Variants in PLEKHA5 observed in about 807,000 individuals in gnomAD.
PLEKHA5 encodes the protein pleckstrin homology domain-containing family A member 5.
In PLEKHA5, 55 loss-of-function variants were observed where a neutral mutation model predicts 181.9. That is an observed-to-expected ratio of 0.30 (90% CI 0.24 to 0.38). PLEKHA5 has a LOEUF of 0.38. PLEKHA5 is among the 10% of genes least tolerant of loss of function. The pLI is 1.00. For missense variants in PLEKHA5, 1,432 were observed against 1,549.5 expected (o/e 0.92, Z 1.27); for synonymous variants, 535 against 529.4 (o/e 1.01, Z -0.15).
chr12:19,342,816 C>A (rs1043985595), intron 21 of PLEKHA5, among the ~76,000 whole-genome samples: 3 of 152,114 alleles, frequency 2.0e-5, no homozygotes, highest in Admixed American at 2.0e-4. Flanking sequence ...TAAACTCTGT[C>A]AGTCAAAATT....
At chr12:19,253,222 ACG>A (rs1413685009) in intron 3 of PLEKHA5, among the ~76,000 whole-genome samples, 9 of 150,594 alleles carry the variant, frequency 6.0e-5, no homozygotes, top group Middle Eastern at 6.9e-3. Context: ...TTACAGGCAC[ACG>A]CCACCACACC....
At chr12:19,200,713 A>G (rs2053990849) in intron 3 of PLEKHA5, 1 of 999,328 alleles carries the variant, frequency 1.0e-6, no homozygotes, top group Non-Finnish European at 1.2e-6. Context: ...AAAACCAAGG[A>G]AGGAATTTTG....
chr12:19,171,114 G>A (rs2045788084), intron 3 of PLEKHA5, among the ~76,000 whole-genome samples: 1 of 152,076 alleles, frequency 6.6e-6, no homozygotes, highest in African/African-American at 2.4e-5. Flanking sequence ...AAAAACCCCA[G>A]ACACCTTGAC....
At chr12:19,318,787 A>G (rs773623561) in intron 16 of PLEKHA5, among the ~76,000 whole-genome samples, 5 of 152,034 alleles carry the variant, frequency 3.3e-5, no homozygotes, top group African/African-American at 4.8e-5. Flanking sequence ...GCCAGGCATG[A>G]TGGTGCACGT....
intron 30 of PLEKHA5, among the ~76,000 whole-genome samples, chr12:19,366,585 G>A (rs559204937): frequency 1.5e-4 from 23 of 152,182 alleles, no homozygotes; most frequent in South Asian, 2.1e-4. Flanking sequence ...CCCCAGAGGC[G>A]GAGGTTGCAG....
At chr12:19,136,926 G>A (rs1259307867) in intron 3 of PLEKHA5, among the ~76,000 whole-genome samples, 1 of 151,982 alleles carries the variant, frequency 6.6e-6, no homozygotes, top group African/African-American at 2.4e-5. Context: ...AGAAAAATCT[G>A]TTTCTTCAGA....
intron 5 of PLEKHA5, 43 bp from the exon 6 acceptor site, chr12:19,257,390 G>C: frequency 1.1e-6 from 1 of 886,940 alleles, no homozygotes; most frequent in South Asian, 1.5e-5. Context: ...CAAATCTCTA[G>C]GCATTAATAC....
chr12:19,313,754 C>A (rs1280134121), intron 15 of PLEKHA5, among the ~76,000 whole-genome samples: 1 of 151,998 alleles, frequency 6.6e-6, no homozygotes, highest in Non-Finnish European at 1.5e-5. Flanking sequence ...TAGATTAAAC[C>A]AGTCACAGGA....
chr12:19,369,348 T>TG (rs1480152973), intron 30 of PLEKHA5, among the ~76,000 whole-genome samples: 1 of 113,468 alleles, frequency 8.8e-6, no homozygotes, highest in Non-Finnish European at 2.0e-5. Context: ...AAAAAAAAAA[T>TG]TTTTAAGTAG....
chr12:19,305,808 C>T lies in PLEKHA5; in HGVS notation c.2038-9006C>T, dbSNP rs111800026. 3.2e-3 allele frequency among the ~76,000 whole-genome samples: 359 copies of T among 111,580 alleles called. 2 individuals are homozygous for T. Among genetic ancestry groups the T allele is most frequent in the African/African-American group, 0.012 (343 of 28,960 alleles). 73.2% of individuals were successfully genotyped at this position (111,580 alleles called of 152,430 possible). On this transcript the variant is annotated intron_variant, in intron 15 of 31. Coordinates refer to ENST00000429027, the MANE Select transcript of PLEKHA5 (RefSeq NM_001256470.2). ...CTGGGAGTCGGAGGTTGCAGTGAGCCAAGATTGCGCCATTGCCCTCCAGCC... is the reference window on the plus strand; with the variant it reads ...CTGGGAGTCGGAGGTTGCAGTGAGCTAAGATTGCGCCATTGCCCTCCAGCC...
chr12:19,285,287 C>G (rs1401905733), intron 12 of PLEKHA5, among the ~76,000 whole-genome samples: 1 of 152,168 alleles, frequency 6.6e-6, no homozygotes, highest in African/African-American at 2.4e-5. Flanking sequence ...ATTACATGCT[C>G]TCATGGTTAA....
At chr12:19,268,047 C>T (rs1178605460) in intron 8 of PLEKHA5, among the ~76,000 whole-genome samples, 2 of 151,974 alleles carry the variant, frequency 1.3e-5, no homozygotes, top group African/African-American at 2.4e-5. Context: ...GATGGACGGC[C>T]TCAATGAGAA....
intron 7 of PLEKHA5, among the ~76,000 whole-genome samples, chr12:19,264,896 AG>A (rs2069800469): frequency 1.3e-5 from 2 of 152,356 alleles, no homozygotes; most frequent in South Asian, 4.1e-4. Context: ...CTTGTCTTAT[AG>A]GTCTATAACA....
At chr12:19,246,627 A>C (rs2063819864) in intron 3 of PLEKHA5, among the ~76,000 whole-genome samples, 1 of 151,844 alleles carries the variant, frequency 6.6e-6, no homozygotes, top group South Asian at 2.1e-4. Flanking sequence ...AAAAAAAAAA[A>C]AAACAATCTA....
chr12:19,216,420 T>C (rs950518481), intron 3 of PLEKHA5, among the ~76,000 whole-genome samples: 1 of 152,146 alleles, frequency 6.6e-6, no homozygotes, highest in African/African-American at 2.4e-5. Flanking sequence ...CCCAGCACTT[T>C]AGGAGGCCAA....
chr12:19,296,142 G>T (rs527396121), intron 15 of PLEKHA5, among the ~76,000 whole-genome samples: 156 of 152,122 alleles, frequency 1.0e-3, no homozygotes, highest in African/African-American at 3.5e-3. Flanking sequence ...GCTGAGACAG[G>T]AGAATCACTT....
chr12:19,338,522 G>A lies in PLEKHA5; in HGVS notation c.2550+1906G>A, dbSNP rs144695978. Among the ~76,000 whole-genome samples, 1,124 of 151,842 alleles carry A rather than the reference G, an allele frequency of 7.4e-3. 15 individuals carry two copies. The highest frequency in any genetic ancestry group is 0.031 in the Middle Eastern group (9 of 294). ...CTTGGAAGGCTGAGGCAGGAGAATC[G>A]CATGAGCCTGGGAGGCAGAGGTTGC... On this transcript the variant is annotated intron_variant, in intron 21 of 31. Coordinates refer to ENST00000429027, the MANE Select transcript of PLEKHA5 (RefSeq NM_001256470.2).
intron 3 of PLEKHA5, among the ~76,000 whole-genome samples, chr12:19,225,510 C>A (rs963499785): frequency 1.3e-5 from 2 of 152,142 alleles, no homozygotes; most frequent in Non-Finnish European, 2.9e-5. Context: ...TCCCTCGTTA[C>A]ATTATGCTGT....
intron 15 of PLEKHA5, among the ~76,000 whole-genome samples, chr12:19,305,935 C>T (rs540013223): frequency 7.0e-6 from 1 of 142,422 alleles, no homozygotes; most frequent in South Asian, 2.3e-4. Flanking sequence ...AAAAAATTGG[C>T]TGGACTTGGT....
Sources: gnomAD v4.1 joint callset for allele counts (sites outside exome capture counted in the v4.1 genomes callset) on GRCh38, gnomAD v4.1.1 for gene constraint, MANE v1.5 for transcripts, NCBI Gene and HGNC (gene_info 2026-07-23, HGNC 2026-07-21) for gene names.